The following LILRA4 variants were observed in gnomAD, a reference collection of about 807,000 sequenced individuals.
LILRA4 encodes leukocyte immunoglobulin-like receptor subfamily A member 4.
In LILRA4, 51 loss-of-function variants were observed where a neutral mutation model predicts 49.5. The observed-to-expected ratio is 1.03, with a 90% CI of 0.82 to 1.30. The LOEUF (loss-of-function observed/expected upper bound fraction) is 1.30. Among genes scored for constraint, LILRA4 ranks in the 50% most tolerant of loss-of-function variants. The probability of loss-of-function intolerance (pLI) is 0.00; values close to 1 mark genes in which losing one functional copy is unlikely to be tolerated. For synonymous variants in LILRA4, 272 were observed against 265.6 expected, an observed-to-expected ratio of 1.02 and a Z score of -0.23; for missense variants, 624 against 625.6, an observed-to-expected ratio of 1.00 and a Z score of 0.03.
chr19:54,338,039 G>T lies in LILRA4; in HGVS notation c.552C>A (p.Pro184=), dbSNP rs1449752726. ...GKFQALFPMG[P]LTFSNRGTFR... ...ATGTACCCCTGTTGCTGAAGGTCAG[G>T]GGGCCCATGGGGAACAGGGCCTGGA... Residue 184 remains proline, a synonymous_variant, in exon 4 of 8, where the codon CCC becomes CCA. Coordinates refer to ENST00000291759, the MANE Select transcript of LILRA4 (RefSeq NM_012276.5). The T allele has an allele frequency of 2.4e-5, 39 of 1,614,082 alleles. No homozygotes were observed. The highest frequency in any genetic ancestry group is 3.3e-5 in the Non-Finnish European group (39 of 1,179,996).
intron 3 of LILRA4, 63 bp from the exon 4 acceptor site, chr19:54,338,298 A>T: frequency 4.4e-6 from 7 of 1,591,418 alleles, no homozygotes; most frequent in Non-Finnish European, 5.1e-6. Context: ...CTTATCCTAC[A>T]AGGCTGGGCT....
At chr19:54,334,026 C>T (rs2081298790) in intron 6 of LILRA4, 61 bp from the exon 7 acceptor site, 1 of 1,343,780 alleles carries the variant, frequency 7.4e-7, no homozygotes, top group Non-Finnish European at 1.1e-6. Context: ...CTGGGCAATG[C>T]ATTCTTATAT....
At position 54,338,897 on chromosome 19, in the gene LILRA4, C is replaced by G. The variant is rs1245740046; in HGVS notation, c.39G>C (p.Leu13=). Residue 13 remains leucine (L), a synonymous_variant, in exon 2 of 8, where the codon CTG becomes CTC. Coordinates refer to ENST00000291759, the MANE Select transcript of LILRA4 (RefSeq NM_012276.5). ...LILTSLLFFG[L]SLGPRTRVQA... The stretch of plus-strand genomic sequence containing the variant: ...GCACCCGGGTCCTGGGGCCCAGGCT[C>G]AGCCCTGGAAGAGAGTTCCCTGTGA... The G allele has an allele frequency of 6.2e-7, 1 of 1,614,170 alleles. No individual in the cohort carries two copies. Among genetic ancestry groups the G allele is most frequent in the Admixed American group, 1.7e-5 (1 of 60,020 alleles).
At chr19:54,336,737 G>T (rs1295339230) in intron 6 of LILRA4, 104 bp downstream of exon 6, 5 of 1,482,944 alleles carry the variant, frequency 3.4e-6, no homozygotes, top group Non-Finnish European at 4.5e-6. Flanking sequence ...AGGAAGAAGT[G>T]GGGCAGCAAG....
chr19:54,339,152 C>T lies in LILRA4; in HGVS notation c.-59G>A. 6.3e-7 allele frequency: 1 copy of T among 1,589,480 alleles called. No homozygotes were observed. Among genetic ancestry groups the T allele is most frequent in the Non-Finnish European group, 8.6e-7 (1 of 1,157,626 alleles). ...CAGGTGTGGCCACGGTGCCCGTAGA[C>T]ACAGACAGACACATGGTGTGCGGGC... On this transcript the variant is annotated 5_prime_UTR_variant, in exon 1 of 8. Transcript: ENST00000291759.
In LILRA4 at chr19:54,333,236, T is replaced by G. The variant is rs2081289204; in HGVS notation, c.*336A>C. 3.2e-6 allele frequency: 1 copy of G among 316,530 alleles called. No homozygotes were observed. Among genetic ancestry groups the G allele is most frequent in the African/African-American group, 2.2e-5 (1 of 46,214 alleles). The allele number at this position is 316,530 out of a possible 1,614,324, so 19.6% of individuals were successfully genotyped here. On this transcript the variant is annotated 3_prime_UTR_variant, in exon 8 of 8. Transcript: ENST00000291759. ...CAAAAGCAAATTCCATGTTATGAGC[T>G]GAAGAGATAGTCCCAGTAATACACA... is the stretch of plus-strand genomic sequence containing the variant.
intron 3 of LILRA4, 58 bp downstream of exon 3, chr19:54,338,338 A>T (rs1489116008): frequency 8.1e-6 from 13 of 1,606,332 alleles, no homozygotes; most frequent in Non-Finnish European, 1.1e-5. Flanking sequence ...GAGAGCTGAG[A>T]GCCGACCCCC....
At position 54,337,484 on chromosome 19, in the gene LILRA4, C is replaced by T. The variant is rs771445811; in HGVS notation, c.868G>A (p.Gly290Arg). The T allele has an allele frequency of 5.6e-6, 9 of 1,612,372 alleles. No homozygotes were observed. The East Asian group carries it at 6.7e-5, about 12-fold the overall frequency. The change falls in exon 5 of 8, where the codon GGG (glycine) becomes AGG (arginine). Residue 290 changes from glycine to arginine, a missense_variant. Transcript: ENST00000291759. Reference protein sequence around the residue: ...FTLSPVSRSYGGQYRCYGAHN... With the variant: ...FTLSPVSRSYRGQYRCYGAHN... The stretch of plus-strand genomic sequence containing the variant: ...GCGCCGTAGCATCTGTACTGGCCCC[C>T]GTAGGAGCGGCTCACAGGGCTCAGG...
chr19:54,334,819 A>AT (rs1399406511), intron 6 of LILRA4: 1 of 150,812 alleles, frequency 6.6e-6, no homozygotes, highest in African/African-American at 2.4e-5. Context: ...ACAAAAAAAA[A>AT]AAAAAATTAG....
At chr19:54,336,740 G>A (rs2081326925) in intron 6 of LILRA4, 101 bp downstream of exon 6, 2 of 1,492,092 alleles carry the variant, frequency 1.3e-6, no homozygotes, top group Non-Finnish European at 1.8e-6. Flanking sequence ...AAGAAGTGGG[G>A]CAGCAAGTGA....
In LILRA4 at chr19:54,338,454, G is replaced by A. The variant is rs762739588; in HGVS notation, c.297C>T (p.Tyr99=). The part of the protein sequence containing the change: ...MWEHAGRYHC[Y]YQSPAGWSEP... ...CTGACCAGCCTGCAGGGCTCTGATA[G>A]TAACAGTGATATCGCCCTGCATGTT... Residue 99 remains tyrosine, a synonymous_variant, in exon 3 of 8, where the codon TAC becomes TAT. Transcript: ENST00000291759. The A allele has an allele frequency of 3.7e-6, 6 of 1,614,178 alleles. No individual in the cohort carries two copies. The South Asian group carries it at 4.4e-5, about 12-fold the overall frequency.
rs1317128508 is a variant in LILRA4, at chr19:54,333,621, C to T, written c.1451G>A (p.Arg484Lys). Residue 484 changes from arginine to lysine, a missense_variant, in exon 8 of 8, where the codon AGA becomes AAA. Coordinates refer to ENST00000291759, the MANE Select transcript of LILRA4 (RefSeq NM_012276.5). The part of the protein sequence containing the change: ...PPRCSQEANS[R>K]KDNAPFRVVE... ...CACTCTGAAGGGTGCATTGTCCTTT[C>T]TGCTGTTTGCCTCCTGGCTGCACCT... The T allele has an allele frequency of 2.5e-6, 4 of 1,614,190 alleles. No individual in the cohort carries two copies. The highest frequency in any genetic ancestry group is 4.5e-5 in the East Asian group (2 of 44,878).
In LILRA4 at chr19:54,338,131, G is replaced by C; in HGVS notation, c.460C>G (p.Leu154Val). ...ASRLGLGRFT[L>V]IEEGDHRLSW... ...AGCCTGTGGTCTCCTTCCTCAATCA[G>C]AGTGAACCTGCCCAGTCCCAGCCGT... The change falls in exon 4 of 8, where the codon CTG becomes GTG. Residue 154 changes from leucine (L) to valine (V), a missense_variant. Leu to Val is a conservative substitution (Grantham distance 32). Transcript: ENST00000291759. 6.2e-7 allele frequency: 1 copy of C among 1,614,058 alleles called. No homozygotes were observed. The highest frequency in any genetic ancestry group is 8.5e-7 in the Non-Finnish European group (1 of 1,179,984).
Position 54,338,245 on chromosome 19 carries a change from GA to G in LILRA4, c.356-11del, listed in dbSNP as rs752496165. ...GTGGGTCTGCTGTAGGCTTTCAAGA[GA>G]AAAAAAGGCAGCCGTGTTTAAATGG... On this transcript the variant is annotated splice_polypyrimidine_tract_variant and intron_variant, in intron 3 of 7. Coordinates refer to ENST00000291759, the MANE Select transcript of LILRA4 (RefSeq NM_012276.5). The G allele has an allele frequency of 5.3e-5, 84 of 1,598,518 alleles. No homozygotes were observed. Among genetic ancestry groups the G allele is most frequent in the Non-Finnish European group, 6.7e-5 (78 of 1,171,766 alleles).
At position 54,333,411 on chromosome 19, in the gene LILRA4, G is replaced by C. The variant is rs2081291011; in HGVS notation, c.*161C>G. On this transcript the variant is annotated 3_prime_UTR_variant, in exon 8 of 8. Coordinates refer to ENST00000291759, the MANE Select transcript of LILRA4 (RefSeq NM_012276.5). Reference sequence around the variant, plus strand: ...AAACGAAGGAAGGGGCAGTCAAGGAGAGTCGACAATGAGGAGGAAAGCACC... The same window carrying C: ...AAACGAAGGAAGGGGCAGTCAAGGACAGTCGACAATGAGGAGGAAAGCACC... 1.4e-6 allele frequency: 1 copy of C among 696,412 alleles called. No individual in the cohort carries two copies. Among genetic ancestry groups the C allele is most frequent in the Non-Finnish European group, 2.4e-6 (1 of 418,586 alleles). 43.1% of individuals were successfully genotyped at this position (696,412 alleles called of 1,614,324 possible). A position where few individuals can be genotyped will look rare whatever the true frequency, so the allele number is the denominator to read the frequency against.
chr19:54,337,822 G>A, intron 4 of LILRA4, 114 bp downstream of exon 4: 1 of 1,442,928 alleles, frequency 6.9e-7, no homozygotes, highest in African/African-American at 1.4e-5. Flanking sequence ...GTGTCCCCAG[G>A]GCCCCCATCT....
At chr19:54,335,266 C>T (rs1423001443) in intron 6 of LILRA4, 1 of 152,142 alleles carries the variant, frequency 6.6e-6, no homozygotes, top group Non-Finnish European at 1.5e-5. Context: ...TGGCTGCTCT[C>T]ATGATAGTGA....
chr19:54,338,374 G>T, intron 3 of LILRA4, 22 bp downstream of exon 3: 1 of 1,613,442 alleles, frequency 6.2e-7, no homozygotes, highest in South Asian at 1.1e-5. Context: ...CCTGGGGCTG[G>T]GACCCCTGAG....
Position 54,338,119 on chromosome 19 carries a change from C to T in LILRA4, c.472G>A (p.Gly158Arg). Residue 158 changes from glycine to arginine, a missense_variant, in exon 4 of 8, where the codon GGA becomes AGA. Gly to Arg is a moderately radical substitution (Grantham distance 125). Coordinates refer to ENST00000291759, the MANE Select transcript of LILRA4 (RefSeq NM_012276.5). The part of the protein sequence containing the change: ...GLGRFTLIEE[G>R]DHRLSWTLNS... ...AGGGTCCAGGAGAGCCTGTGGTCTC[C>T]TTCCTCAATCAGAGTGAACCTGCCC... The T allele has an allele frequency of 6.2e-7, 1 of 1,614,116 alleles. No individual in the cohort carries two copies. The highest frequency in any genetic ancestry group is 2.2e-5 in the East Asian group (1 of 44,874).
Sources: allele counts gnomAD v4.1 joint callset, GRCh38; gene constraint gnomAD v4.1.1; transcripts MANE v1.5; gene names NCBI Gene and HGNC (gene_info 2026-07-23, HGNC 2026-07-21).